MAP3K6: variants seen among roughly 807,000 people sequenced by gnomAD.
MAP3K6 encodes the protein apoptosis signal-regulating kinase 2.
A neutral mutation model predicts 147.1 loss-of-function variants in MAP3K6; 105 were observed. The ratio of observed to expected loss-of-function variants is 0.71; its 90% CI spans 0.61 to 0.84. The LOEUF (loss-of-function observed/expected upper bound fraction) is 0.84. MAP3K6 is among the 40% of genes least tolerant of loss of function. The probability of loss-of-function intolerance (pLI) is 0.00; values close to 1 mark genes in which losing one functional copy is unlikely to be tolerated. For missense variants in MAP3K6, 1,569 were observed against 1,715.0 expected, an observed-to-expected ratio of 0.91 and a Z score of 1.50; for synonymous variants, 695 against 732.4, an observed-to-expected ratio of 0.95 and a Z score of 0.82.
Position 27,357,879 on chromosome 1 carries a change from G to C in MAP3K6, c.2916-3C>G. ...CGGCCGCAGGCTCCTCGGGCACCCT[G>C]GGCACAAGGGCGAGCTGCTGATTGA... On this transcript the variant is annotated splice_polypyrimidine_tract_variant and splice_region_variant and intron_variant, in intron 21 of 28. Transcript: ENST00000357582. The C allele has an allele frequency of 6.3e-7, 1 of 1,582,514 alleles. No homozygotes were observed.
Position 27,364,668 on chromosome 1 carries a change from T to C in MAP3K6, c.497A>G (p.Lys166Arg). The C allele has an allele frequency of 6.2e-7, 1 of 1,614,136 alleles. No individual in the cohort carries two copies. The highest frequency in any genetic ancestry group is 8.5e-7 in the Non-Finnish European group (1 of 1,180,010). ...GAGGTGGATTCTGCTCACCGAGTTC[T>C]TCTGGAAAACATCCTCCTGCAGGAG... ...LQALREDVFQKNSDCVGSYTL... is the reference protein window; with the variant it reads ...LQALREDVFQRNSDCVGSYTL... Residue 166 changes from lysine (K) to arginine (R), a missense_variant, in exon 3 of 29, where the codon AAG (lysine) becomes AGG (arginine). By Grantham distance (26) the Lys-to-Arg change is conservative. Coordinates refer to ENST00000357582, the MANE Select transcript of MAP3K6 (RefSeq NM_004672.5). The surrounding 1 kb of genome is among the most constrained non-coding windows in gnomAD (Gnocchi z 4.4).
rs1305151316 is a variant in MAP3K6 at position 27,356,472 on chromosome 1, G to A, written c.3553C>T (p.Arg1185Trp). 1.9e-6 allele frequency: 3 copies of A among 1,613,834 alleles called. No individual in the cohort carries two copies. The highest frequency in any genetic ancestry group is 1.3e-5 in the African/African-American group (1 of 74,940). Residue 1185 changes from arginine (R) to tryptophan (W), a missense_variant, in exon 26 of 29, where the codon CGG becomes TGG. Coordinates refer to ENST00000357582, the MANE Select transcript of MAP3K6 (RefSeq NM_004672.5). ...CGCTGCACCAGGGCCTGGTACTCCC[G>A]TTCCTTCCCCGCCAGGATTTCGCGC... ...RLREILAGKE[R>W]EYQALVQRAL...
chr1:27,365,835 C>G (rs2015957885), intron 1 of MAP3K6, among the ~76,000 whole-genome samples: 1 of 152,040 alleles, frequency 6.6e-6, no homozygotes, highest in South Asian at 2.1e-4. Context: ...AGCTCCTCTC[C>G]CAGTAATTGT....
Position 27,357,023 on chromosome 1 carries a change from C to T in MAP3K6, c.3350G>A (p.Gly1117Asp). Residue 1117 changes from glycine (G) to aspartate (D), a missense_variant, in exon 24 of 29, where the codon GGT becomes GAT. Transcript: ENST00000357582. ...TCCCCTCCTACCCGGTCCTAGCACA[C>T]CCAGGGCTGCCCGCACAGCACGGCT... ...LLSRAVRAAL[G>D]VLGPEVEKEA... The T allele has an allele frequency of 6.2e-7, 1 of 1,613,942 alleles. No homozygotes were observed. The highest frequency in any genetic ancestry group is 1.3e-5 in the African/African-American group (1 of 75,062).
chr1:27,362,532 A>G, intron 8 of MAP3K6, 109 bp downstream of exon 8: 2 of 915,662 alleles, frequency 2.2e-6, no homozygotes, highest in Non-Finnish European at 1.6e-6. Context: ...ACAGTCCAAA[A>G]TGGATGAGCT....
Position 27,360,286 on chromosome 1 carries a change from T to C in MAP3K6, c.2137A>G (p.Ser713Gly). Residue 713 changes from serine (S) to glycine (G), a missense_variant, in exon 16 of 29, where the codon AGC becomes GGC. Physicochemically the swap from Ser to Gly is moderately conservative, Grantham distance 56. Coordinates refer to ENST00000357582, the MANE Select transcript of MAP3K6 (RefSeq NM_004672.5). The surrounding 1 kb of genome is among the most constrained non-coding windows in gnomAD (Gnocchi z 4.5). ...KNIVRYLGSA[S>G]QGGYLKIFME... is the part of the protein sequence containing the mutation. ...AAGATCTTAAGGTAGCCGCCCTGGC[T>C]AGCTGAGCCCAGATAGCGCACTATG... 1 of 1,614,094 alleles carries C rather than the reference T, an allele frequency of 6.2e-7. No individual in the cohort carries two copies. Among genetic ancestry groups the C allele is most frequent in the Non-Finnish European group, 8.5e-7 (1 of 1,179,986 alleles).
In MAP3K6 at chr1:27,358,850, C is replaced by G; in HGVS notation, c.2442G>C (p.Met814Ile). 3.8e-6 allele frequency: 6 copies of G among 1,587,760 alleles called. No homozygotes were observed. Among genetic ancestry groups the G allele is most frequent in the Non-Finnish European group, 4.3e-6 (5 of 1,166,632 alleles). ...GGCCCTGGTCAATGATTTCTGGGGC[C>G]ATATACTGCAGAGTTCCTAGGACAG... Reference protein sequence around the residue: ...TETFTGTLQYMAPEIIDQGPR... With the variant: ...TETFTGTLQYIAPEIIDQGPR... The change falls in exon 19 of 29, where the codon ATG (methionine) becomes ATC (isoleucine). Residue 814 changes from methionine (M) to isoleucine (I), a missense_variant. Met to Ile is a conservative substitution (Grantham distance 10). Coordinates refer to ENST00000357582, the MANE Select transcript of MAP3K6 (RefSeq NM_004672.5). The surrounding 1 kb of genome is among the most constrained non-coding windows in gnomAD (Gnocchi z 6.2).
rs775236255 is a variant in MAP3K6 at position 27,362,131 on chromosome 1, G to C, written c.1375C>G (p.Leu459Val). 1 of 1,613,624 alleles carries C rather than the reference G, an allele frequency of 6.2e-7. No individual in the cohort carries two copies. Among genetic ancestry groups the C allele is most frequent in the Admixed American group, 1.7e-5 (1 of 59,980 alleles). ...AGCTTATACAGCTGCTCTGCAGCCA[G>C]CACCACCTGGGTGGGGTCATTGGCG... ...ILANDPTQVV[L>V]AAEQLYKLNA... is the part of the protein sequence containing the mutation. Residue 459 changes from leucine (L) to valine (V), a missense_variant, in exon 9 of 29, where the codon CTG becomes GTG. Leu to Val is a conservative substitution (Grantham distance 32). Coordinates refer to ENST00000357582, the MANE Select transcript of MAP3K6 (RefSeq NM_004672.5).
At position 27,357,763 on chromosome 1, in the gene MAP3K6, T is replaced by C. The variant is rs1399238316; in HGVS notation, c.3029A>G (p.Gln1010Arg). The C allele has an allele frequency of 7.4e-6, 12 of 1,611,610 alleles. No individual in the cohort carries two copies. The highest frequency in any genetic ancestry group is 9.3e-6 in the Non-Finnish European group (11 of 1,179,718). ...RRAMLAAVLEQELPALAENLH... is the reference protein window; with the variant it reads ...RRAMLAAVLERELPALAENLH... ...ATTCTCCGCCAGCGCTGGCAGCTCC[T>C]GCTCCAATACTGCGGCCAGCATGGC... The change falls in exon 22 of 29, where the codon CAG becomes CGG. Residue 1010 changes from glutamine (Q) to arginine (R), a missense_variant. Gln to Arg is a conservative substitution (Grantham distance 43). Coordinates refer to ENST00000357582, the MANE Select transcript of MAP3K6 (RefSeq NM_004672.5).
Position 27,355,231 on chromosome 1 carries a change from C to A in MAP3K6, c.*160G>T, listed in dbSNP as rs770938632. The A allele has an allele frequency of 4.3e-5, 32 of 739,202 alleles. No individual in the cohort carries two copies. Among genetic ancestry groups the A allele is most frequent in the Non-Finnish European group, 8.0e-5 (32 of 400,900 alleles). 45.8% of individuals were successfully genotyped at this position (739,202 alleles called of 1,614,324 possible). A position where few individuals can be genotyped will look rare whatever the true frequency, so the allele number is the denominator to read the frequency against. On this transcript the variant is annotated 3_prime_UTR_variant, in exon 29 of 29. Transcript: ENST00000357582. ...CGCTTTGTCTGGTAGTGCTTGGGTG[C>A]CTGTGGTTGGTTTCTCTCACTGGAA...
rs2148053894 is a variant in MAP3K6 at position 27,360,900 on chromosome 1, C to T, written c.1920+21G>A. 3 of 1,608,000 alleles carry T rather than the reference C, an allele frequency of 1.9e-6. No individual in the cohort carries two copies. The highest frequency in any genetic ancestry group is 3.3e-4 in the Middle Eastern group (2 of 6,038). On this transcript the variant is annotated intron_variant, in intron 14 of 28. Coordinates refer to ENST00000357582, the MANE Select transcript of MAP3K6 (RefSeq NM_004672.5). The surrounding 1 kb of genome is among the most constrained non-coding windows in gnomAD (Gnocchi z 4.5). Reference sequence around the variant, plus strand: ...CCCGCGGCCCCTCGCCCTCCGCGAGCTCCCAGTCCCGCGTCCTCACCTCCA... The same window carrying T: ...CCCGCGGCCCCTCGCCCTCCGCGAGTTCCCAGTCCCGCGTCCTCACCTCCA...
chr1:27,359,468 C>T lies in MAP3K6; in HGVS notation c.2374G>A (p.Gly792Ser), dbSNP rs369175337. The change falls in exon 18 of 29, where the codon GGC (glycine) becomes AGC (serine). Residue 792 changes from glycine to serine, a missense_variant. Coordinates refer to ENST00000357582, the MANE Select transcript of MAP3K6 (RefSeq NM_004672.5). This position sits in a 1 kb window ranked among gnomAD's most constrained non-coding sequence, Gnocchi z 4.4. ...ATGCCTGCCAGCCGCTTGGAGGTGC[C>T]GAAGTCAGAAATCTTGAGCAGCCCA... Reference protein sequence around the residue: ...FSGLLKISDFGTSKRLAGITP... With the variant: ...FSGLLKISDFSTSKRLAGITP... 2.2e-5 allele frequency: 36 copies of T among 1,613,980 alleles called. No individual in the cohort carries two copies. Among genetic ancestry groups the T allele is most frequent in the Middle Eastern group, 1.6e-4 (1 of 6,084 alleles).
chr1:27,363,598 G>T, intron 5 of MAP3K6, 50 bp from the exon 6 acceptor site: 3 of 1,422,492 alleles, frequency 2.1e-6, no homozygotes, highest in Non-Finnish European at 2.9e-6. Flanking sequence ...CAGGCCCCAA[G>T]GAACCTTGAG....
chr1:27,358,073 C>T lies in MAP3K6; in HGVS notation c.2915+108G>A. On this transcript the variant is annotated intron_variant, in intron 21 of 28. Coordinates refer to ENST00000357582, the MANE Select transcript of MAP3K6 (RefSeq NM_004672.5). This position sits in a 1 kb window ranked among gnomAD's most constrained non-coding sequence, Gnocchi z 6.2. ...GGGCATGGGGAGGCACCAAATGCCACATTCACAAGTGGTCAAGGTGCCCAG... is the reference window on the plus strand; with the variant it reads ...GGGCATGGGGAGGCACCAAATGCCATATTCACAAGTGGTCAAGGTGCCCAG... 2 of 1,509,172 alleles carry T rather than the reference C, an allele frequency of 1.3e-6. No individual in the cohort carries two copies. The highest frequency in any genetic ancestry group is 1.8e-6 in the Non-Finnish European group (2 of 1,129,902). 93.5% of individuals were successfully genotyped at this position (1,509,172 alleles called of 1,614,324 possible).
In MAP3K6 at chr1:27,356,692, G is replaced by A. The variant is rs761849291; in HGVS notation, c.3422C>T (p.Ser1141Phe). 6.2e-7 allele frequency: 1 copy of A among 1,608,520 alleles called. No homozygotes were observed. The change falls in exon 25 of 29, where the codon TCC becomes TTC. Residue 1141 changes from serine (S) to phenylalanine (F), a missense_variant. Ser to Phe is a radical substitution (Grantham distance 155, BLOSUM62 -2). Transcript: ENST00000357582. Reference protein sequence around the residue: ...RSEELSNEGDSQQSPGQQSPL... With the variant: ...RSEELSNEGDFQQSPGQQSPL... ...GCTCTGCTGGCCTGGGCTCTGCTGGGAGTCCCCTTCATTACTCAGCTCCTC... is the reference window on the plus strand; with the variant it reads ...GCTCTGCTGGCCTGGGCTCTGCTGGAAGTCCCCTTCATTACTCAGCTCCTC...
At position 27,361,822 on chromosome 1, in the gene MAP3K6, G is replaced by A; in HGVS notation, c.1461C>T (p.Phe487=). Residue 487 remains phenylalanine (F), a synonymous_variant, in exon 10 of 29, where the codon TTC becomes TTT. Coordinates refer to ENST00000357582, the MANE Select transcript of MAP3K6 (RefSeq NM_004672.5). ...CTCCAGGGGGCTCTGGCGTGGGCCTGAAGTGCTGGTAGAGCAGGAAGGTCT... is the reference window on the plus strand; with the variant it reads ...CTCCAGGGGGCTCTGGCGTGGGCCTAAAGTGCTGGTAGAGCAGGAAGGTCT... The part of the protein sequence containing the change: ...VMETFLLYQH[F]RPTPEPPGGP... 6.3e-7 allele frequency: 1 copy of A among 1,598,734 alleles called. No individual in the cohort carries two copies.
intron 26 of MAP3K6, 23 bp downstream of exon 26, chr1:27,356,365 T>A: frequency 6.3e-7 from 1 of 1,576,726 alleles, no homozygotes; most frequent in Non-Finnish European, 8.6e-7. Flanking sequence ...ACCAATAATG[T>A]TCTCCAGCCA....
At position 27,355,331 on chromosome 1, in the gene MAP3K6, TTGTCC is replaced by T. The variant is rs2015479281; in HGVS notation, c.*55_*59del. 6.7e-7 allele frequency: 1 copy of T among 1,498,446 alleles called. No homozygotes were observed. Among genetic ancestry groups the T allele is most frequent in the African/African-American group, 1.4e-5 (1 of 72,524 alleles). 92.8% of individuals were successfully genotyped at this position (1,498,446 alleles called of 1,614,324 possible). A position where few individuals can be genotyped will look rare whatever the true frequency, so the allele number is the denominator to read the frequency against. ...GGGGCTGGTGTGTCAGAAGCTGCCTTTGTCCTCTCCATTCATCCATCCTTGGGCCT... is the reference window on the plus strand; with the variant it reads ...GGGGCTGGTGTGTCAGAAGCTGCCTTTCTCCATTCATCCATCCTTGGGCCT... On this transcript the variant is annotated 3_prime_UTR_variant, in exon 29 of 29. Transcript: ENST00000357582.
rs2015693325 is a variant in MAP3K6 at position 27,360,178 on chromosome 1, C to A, written c.2182+63G>T. On this transcript the variant is annotated intron_variant, in intron 16 of 28. Coordinates refer to ENST00000357582, the MANE Select transcript of MAP3K6 (RefSeq NM_004672.5). This position sits in a 1 kb window ranked among gnomAD's most constrained non-coding sequence, Gnocchi z 4.5. The stretch of plus-strand genomic sequence containing the variant: ...CATTTCCCCCTAGGGCTCTCTACCC[C>A]TGCCTGCCTCGGTCCCATGCTTCAC... The A allele has an allele frequency of 6.9e-6, 11 of 1,601,838 alleles. No homozygotes were observed. The East Asian group carries it at 2.5e-4, about 36-fold the overall frequency.
Sources: gnomAD v4.1 joint callset for allele counts (sites outside exome capture counted in the v4.1 genomes callset) on GRCh38, gnomAD v4.1.1 for gene constraint, Gnocchi (gnomAD v3.1) non-coding constraint, MANE v1.5 for transcripts, NCBI Gene and HGNC (gene_info 2026-07-23, HGNC 2026-07-21) for gene names.